Variants in NRG1 observed in about 807,000 individuals in gnomAD.
NRG1 encodes pro-neuregulin-1, membrane-bound isoform.
NRG1 carries 18 observed loss-of-function variants against 63.8 expected under a neutral mutation model. That is an observed-to-expected ratio of 0.28 (90% CI 0.19 to 0.42). NRG1 has a LOEUF of 0.42. NRG1 is among the 10% of genes least tolerant of loss of function. The pLI, the probability that NRG1 is intolerant of heterozygous loss-of-function variation, is 1.00. For synonymous variants in NRG1, 302 were observed against 301.3 expected (o/e 1.00, Z -0.02); for missense variants, 762 against 814.7 (o/e 0.94, Z 0.79).
At chr8:32,208,325 C>T (rs1844294649) in intron 1 of NRG1, among the ~76,000 whole-genome samples, 1 of 150,178 alleles carries the variant, frequency 6.7e-6, no homozygotes, top group Admixed American at 6.6e-5. Flanking sequence ...CTCTTGTTGT[C>T]CAGGCTGGAG....
At chr8:32,480,403 A>T (rs541189154) in intron 1 of NRG1, among the ~76,000 whole-genome samples, 1 of 152,080 alleles carries the variant, frequency 6.6e-6, no homozygotes, top group African/African-American at 2.4e-5. Context: ...GACCACAGTT[A>T]AAAATAATGT....
chr8:31,716,743 A>C (rs188863488), intron 1 of NRG1, among the ~76,000 whole-genome samples: 1 of 152,220 alleles, frequency 6.6e-6, no homozygotes, highest in Non-Finnish European at 1.5e-5. Flanking sequence ...ATACGGTTCT[A>C]ATTTTTAAAA....
intron 6 of NRG1, chr8:32,728,660 T>C: frequency 1.0e-6 from 1 of 984,788 alleles, no homozygotes. Context: ...GGAAATACAT[T>C]GTATGTAGCA....
chr8:32,596,144 C>CA (rs1843321581), intron 2 of NRG1, 139 bp downstream of exon 2: 6 of 662,946 alleles, frequency 9.1e-6, no homozygotes, highest in South Asian at 3.4e-5. Context: ...TATATAATGA[C>CA]AAAAAATCAT....
At chr8:32,524,490 T>G (rs1359812325) in intron 1 of NRG1, among the ~76,000 whole-genome samples, 1 of 107,464 alleles carries the variant, frequency 9.3e-6, no homozygotes, top group Non-Finnish European at 1.9e-5. Context: ...ATGCTTTTCC[T>G]TAAAGATTTT....
chr8:31,851,589 C>T (rs1023434193), intron 1 of NRG1, among the ~76,000 whole-genome samples: 2 of 151,800 alleles, frequency 1.3e-5, no homozygotes, highest in African/African-American at 4.8e-5. Context: ...TATGGGAATA[C>T]ATTCTTATTT....
intron 1 of NRG1, among the ~76,000 whole-genome samples, chr8:32,245,054 T>C (rs1188805801): frequency 6.6e-6 from 1 of 152,116 alleles, no homozygotes; most frequent in Non-Finnish European, 1.5e-5. Context: ...TCTAAGAGAA[T>C]GAAGGACCTG....
chr8:32,698,346 C>G (rs1813919494), intron 5 of NRG1, among the ~76,000 whole-genome samples: 1 of 152,106 alleles, frequency 6.6e-6, no homozygotes, highest in African/African-American at 2.4e-5. Flanking sequence ...AGAGAAACAT[C>G]AAGAAATACG....
chr8:32,234,435 G>T (rs998863440), intron 1 of NRG1, among the ~76,000 whole-genome samples: 4 of 152,130 alleles, frequency 2.6e-5, no homozygotes, highest in African/African-American at 9.7e-5. Context: ...ATAATAGTTT[G>T]CTATCCTAGG....
At chr8:32,501,780 T>A (rs1827882558) in intron 1 of NRG1, among the ~76,000 whole-genome samples, 1 of 152,220 alleles carries the variant, frequency 6.6e-6, no homozygotes, top group South Asian at 2.1e-4. Context: ...ACAGAATATT[T>A]ATTTTCTAGG....
rs371460176 is a variant in NRG1 at position 32,461,347 on chromosome 8, A to G, written c.38-134481A>G. The stretch of plus-strand genomic sequence containing the variant: ...AGTGCCTTCTAAAACGGCCTATTAT[A>G]CTACTATAGCTGTTGTCTATAAGGA... On this transcript the variant is annotated intron_variant, in intron 1 of 10. Transcript: ENST00000519301. 5.3e-5 allele frequency among the ~76,000 whole-genome samples: 8 copies of G among 152,310 alleles called. 2 individuals carry two copies. The highest frequency in any genetic ancestry group is 6.5e-5 in the Admixed American group (1 of 15,302).
chr8:32,446,057 C>A (rs367879387), intron 1 of NRG1, among the ~76,000 whole-genome samples: 18 of 152,270 alleles, frequency 1.2e-4, no homozygotes, highest in East Asian at 9.6e-4. Flanking sequence ...TTGTTAAATT[C>A]TGGACTAAAC....
intron 1 of NRG1, among the ~76,000 whole-genome samples, chr8:31,705,375 C>T (rs1811053447): frequency 6.6e-6 from 1 of 151,966 alleles, no homozygotes; most frequent in Non-Finnish European, 1.5e-5. Context: ...GTAAAACGGC[C>T]TTCTCCACGC....
intron 1 of NRG1, among the ~76,000 whole-genome samples, chr8:32,492,707 A>G (rs899544471): frequency 6.6e-6 from 1 of 152,172 alleles, no homozygotes; most frequent in African/African-American, 2.4e-5. Flanking sequence ...TCTGAGTAAC[A>G]TCTGTATTCA....
chr8:32,424,019 G>A (rs1013038179), intron 1 of NRG1, among the ~76,000 whole-genome samples: 2 of 152,150 alleles, frequency 1.3e-5, no homozygotes, highest in African/African-American at 4.8e-5. Context: ...CAGTTCCTAA[G>A]CCCTCTTTCT....
intron 1 of NRG1, among the ~76,000 whole-genome samples, chr8:31,823,117 C>CTT (rs147209584): frequency 5.5e-4 from 43 of 77,924 alleles, no homozygotes; most frequent in South Asian, 2.2e-3. Context: ...TGTCCTTGTT[C>CTT]TTTTTTTTTT....
chr8:32,420,040 CT>C (rs1816489183), intron 1 of NRG1, among the ~76,000 whole-genome samples: 1 of 152,172 alleles, frequency 6.6e-6, no homozygotes, highest in Admixed American at 6.5e-5. Context: ...GCTGATGACT[CT>C]TCCAGAAGGC....
intron 1 of NRG1, among the ~76,000 whole-genome samples, chr8:31,755,662 A>T (rs1414295164): frequency 1.3e-5 from 2 of 151,992 alleles, no homozygotes; most frequent in African/African-American, 2.4e-5. Flanking sequence ...AATATACCTG[A>T]CTATATATTT....
chr8:32,389,221 T>G (rs757502147), intron 1 of NRG1, among the ~76,000 whole-genome samples: 5 of 152,136 alleles, frequency 3.3e-5, no homozygotes, highest in Non-Finnish European at 7.4e-5. Flanking sequence ...TTTCAGTAAC[T>G]GTTAAGGGAC....
Sources: gnomAD v4.1 joint callset for allele counts (sites outside exome capture counted in the v4.1 genomes callset) on GRCh38, gnomAD v4.1.1 for gene constraint, MANE v1.5 for transcripts, NCBI Gene and HGNC (gene_info 2026-07-23, HGNC 2026-07-21) for gene names.